Variants in CDS2 observed in about 807,000 individuals in gnomAD.
CDS2 encodes the protein phosphatidate cytidylyltransferase 2.
In CDS2, 47 loss-of-function variants were observed where a neutral mutation model predicts 59.0. The observed-to-expected ratio is 0.80, with a 90% confidence interval of 0.63 to 1.02. The LOEUF (loss-of-function observed/expected upper bound fraction) is 1.02. Ranked by LOEUF, CDS2 falls within the 50% of genes least tolerant of loss-of-function variation. The probability of loss-of-function intolerance (pLI) is 0.00; values close to 1 mark genes in which losing one functional copy is unlikely to be tolerated. For missense variants in CDS2, 356 were observed against 558.9 expected, an observed-to-expected ratio of 0.64 and a Z score of 3.66; for synonymous variants, 207 against 206.4, an observed-to-expected ratio of 1.00 and a Z score of -0.02.
intron 1 of CDS2, among the ~76,000 whole-genome samples, chr20:5,142,175 G>C (rs1297558732): frequency 6.6e-6 from 1 of 152,074 alleles, no homozygotes; most frequent in Admixed American, 6.6e-5. Flanking sequence ...GGCCGAGTGC[G>C]GTGGCTCACA....
chr20:5,176,576 T>C, intron 3 of CDS2, 72 bp from the exon 4 acceptor site: 2 of 1,174,746 alleles, frequency 1.7e-6, no homozygotes, highest in Admixed American at 3.4e-5. Flanking sequence ...TCTGGAAGGC[T>C]CATGACCTGT....
intron 8 of CDS2, among the ~76,000 whole-genome samples, chr20:5,185,173 C>T (rs1371809807): frequency 6.6e-6 from 1 of 151,836 alleles, no homozygotes; most frequent in African/African-American, 2.4e-5. Context: ...GTAATCCTAG[C>T]ACTATGGGAT....
At chr20:5,131,053 A>G (rs2090603337) in intron 1 of CDS2, among the ~76,000 whole-genome samples, 1 of 150,022 alleles carries the variant, frequency 6.7e-6, no homozygotes, top group Non-Finnish European at 1.5e-5. Context: ...AGATGGCGCC[A>G]CTGCACGCCA....
chr20:5,147,782 G>C (rs1007633764), intron 1 of CDS2, among the ~76,000 whole-genome samples: 2 of 150,800 alleles, frequency 1.3e-5, no homozygotes, highest in Non-Finnish European at 2.9e-5. Flanking sequence ...GGTTGGTCTT[G>C]AACTCCTTGC....
chr20:5,138,230 A>C (rs9753717), intron 1 of CDS2, among the ~76,000 whole-genome samples: 1 of 151,294 alleles, frequency 6.6e-6, no homozygotes, highest in Non-Finnish European at 1.5e-5. Flanking sequence ...GGGATTACAC[A>C]TGAGCCACCA....
At chr20:5,143,755 TTTC>T (rs554199056) in intron 1 of CDS2, among the ~76,000 whole-genome samples, 21 of 146,332 alleles carry the variant, frequency 1.4e-4, no homozygotes, top group Non-Finnish European at 2.7e-4. Context: ...TCTTTTTCTT[TTTC>T]TTCTTCTTCT....
chr20:5,186,887 CAAAG>C, intron 10 of CDS2, 48 bp downstream of exon 10: 1 of 1,599,924 alleles, frequency 6.3e-7, no homozygotes, highest in Non-Finnish European at 8.6e-7. Flanking sequence ...ACAGTGGCTA[CAAAG>C]AGAGATCCCC....
At position 5,192,290 on chromosome 20, in the gene CDS2, C is replaced by T. The variant is rs2123076808; in HGVS notation, c.*2056C>T. 1 of 151,910 alleles carries T rather than the reference C, an allele frequency of 6.6e-6. No homozygotes were observed. The highest frequency in any genetic ancestry group is 3.3e-3 in the Middle Eastern group (1 of 306). The allele number at this position is 151,910 out of a possible 1,614,324, so 9.4% of individuals were successfully genotyped here. On this transcript the variant is annotated 3_prime_UTR_variant, in exon 13 of 13. Coordinates refer to ENST00000460006, the MANE Select transcript of CDS2 (RefSeq NM_003818.4). ...TAGGGCTGCCTTTGGGATCAGGGAG[C>T]CGAGCATACTGGGCAAGGCTCATCA...
intron 1 of CDS2, among the ~76,000 whole-genome samples, chr20:5,160,632 T>C (rs1416121052): frequency 6.6e-6 from 1 of 152,228 alleles, no homozygotes; most frequent in Non-Finnish European, 1.5e-5. Flanking sequence ...AACATTGTTT[T>C]GCAACTGTCA....
chr20:5,135,813 CA>C (rs1378381235), intron 1 of CDS2, among the ~76,000 whole-genome samples: 17 of 152,318 alleles, frequency 1.1e-4, no homozygotes, highest in Non-Finnish European at 2.4e-4. Flanking sequence ...TTGTAGGCAG[CA>C]AAGGGTATTC....
At chr20:5,163,791 CT>C (rs397866016) in intron 1 of CDS2, among the ~76,000 whole-genome samples, 1,108 of 47,934 alleles carry the variant, frequency 0.023, 6 homozygotes, top group Admixed American at 0.027. Flanking sequence ...TTCTTTCTTT[CT>C]TTTTTTTTTT....
chr20:5,190,509 T>C lies in CDS2; in HGVS notation c.*275T>C. On this transcript the variant is annotated 3_prime_UTR_variant, in exon 13 of 13. Transcript: ENST00000460006. ...TTTTTTAAAACAAAAGTATTAATAA[T>C]CTGGAAGACAGTGTTGCCCAGGTCA... is the stretch of plus-strand genomic sequence containing the variant. 3.6e-6 allele frequency: 1 copy of C among 280,928 alleles called. No individual in the cohort carries two copies. Among genetic ancestry groups the C allele is most frequent in the Non-Finnish European group, 6.7e-6 (1 of 149,532 alleles). 17.4% of individuals were successfully genotyped at this position (280,928 alleles called of 1,614,324 possible). A position where few individuals can be genotyped will look rare whatever the true frequency, so the allele number is the denominator to read the frequency against.
intron 1 of CDS2, among the ~76,000 whole-genome samples, chr20:5,137,194 G>C (rs553544162): frequency 5.1e-4 from 76 of 150,370 alleles, no homozygotes; most frequent in African/African-American, 1.8e-3. Flanking sequence ...CTTGATTCTT[G>C]CTCTTTCCTA....
intron 2 of CDS2, 45 bp downstream of exon 2, chr20:5,173,704 C>G (rs372576979): frequency 6.2e-7 from 1 of 1,608,344 alleles, no homozygotes; most frequent in Non-Finnish European, 8.5e-7. Context: ...GGCTTTGCAC[C>G]ATGTCCAAGT....
intron 1 of CDS2, among the ~76,000 whole-genome samples, chr20:5,148,533 GT>G (rs1158791349): frequency 6.6e-6 from 1 of 152,198 alleles, no homozygotes; most frequent in South Asian, 2.1e-4. Flanking sequence ...CTTCTGGCCA[GT>G]TTTTTTCCAT....
rs1381557904 is a variant in CDS2, at chr20:5,192,110, CTG to C, written c.*1878_*1879del. 5 of 152,190 alleles carry C rather than the reference CTG, an allele frequency of 3.3e-5. No individual in the cohort carries two copies. Among genetic ancestry groups the C allele is most frequent in the African/African-American group, 7.2e-5 (3 of 41,426 alleles). The allele number at this position is 152,190 out of a possible 1,614,324, so 9.4% of individuals were successfully genotyped here. ...ACAGTAAAGGTGATCAATAACGAAA[CTG>C]TAGTTTTCAGATTGAAGAATGAACC... On this transcript the variant is annotated 3_prime_UTR_variant, in exon 13 of 13. Coordinates refer to ENST00000460006, the MANE Select transcript of CDS2 (RefSeq NM_003818.4).
intron 1 of CDS2, among the ~76,000 whole-genome samples, chr20:5,145,822 G>GGTTTTTTTTTTTT (rs773575866): frequency 0.013 from 1,612 of 128,880 alleles, 32 homozygotes; most frequent in East Asian, 0.041. Context: ...TGCTTTTTGT[G>GGTTTTTTTTTTTT]TTTTTTTTTT....
chr20:5,159,032 G>A (rs1258058537), intron 1 of CDS2, among the ~76,000 whole-genome samples: 2 of 152,114 alleles, frequency 1.3e-5, no homozygotes, highest in Non-Finnish European at 2.9e-5. Flanking sequence ...AGAAGGATAA[G>A]CGAGCCGCTT....
intron 1 of CDS2, among the ~76,000 whole-genome samples, chr20:5,133,938 G>A (rs4239761): frequency 0.86 from 131,646 of 152,262 alleles, 57,456 homozygotes; most frequent in East Asian, 1. Context: ...ATACCCAAAT[G>A]TTACCTATTT....
Sources: allele counts gnomAD v4.1 joint callset (sites outside exome capture counted in the v4.1 genomes callset), GRCh38; gene constraint gnomAD v4.1.1; transcripts MANE v1.5; gene names NCBI Gene and HGNC (gene_info 2026-07-23, HGNC 2026-07-21).